Variants in PABPC1L observed in about 807,000 individuals in gnomAD.
The protein encoded by PABPC1L is polyadenylate-binding protein 1-like.
Under a neutral mutation model 66.6 loss-of-function variants are expected in PABPC1L, and 31 were observed. The ratio of observed to expected loss-of-function variants is 0.47; its 90% CI spans 0.35 to 0.63. The LOEUF (loss-of-function observed/expected upper bound fraction) is 0.63. Among genes scored for constraint, PABPC1L ranks in the 20% least tolerant of loss-of-function variants. The pLI is 0.00. For synonymous variants in PABPC1L, 348 were observed against 335.1 expected (o/e 1.04, Z -0.42); for missense variants, 722 against 848.8 (o/e 0.85, Z 1.86).
intron 10 of PABPC1L, among the ~76,000 whole-genome samples, chr20:44,934,693 A>G (rs2145582187): frequency 6.6e-6 from 1 of 152,348 alleles, no homozygotes; most frequent in Non-Finnish European, 1.5e-5. Flanking sequence ...CATTGTATGT[A>G]TAGACCTCAT....
At position 44,938,612 on chromosome 20, in the gene PABPC1L, A is replaced by G; in HGVS notation, c.1792-62A>G. 3 of 1,544,184 alleles carry G rather than the reference A, an allele frequency of 1.9e-6. No individual in the cohort carries two copies. The South Asian group carries it at 3.6e-5, about 18-fold the overall frequency. On this transcript the variant is annotated intron_variant, in intron 13 of 14. Coordinates refer to ENST00000217073, the MANE Select transcript of PABPC1L (RefSeq NM_001372179.1). ...AGGATGGTGAGCGAGGGGGAGATCAAGGCTCTTCTGTGACCTGCTAAGATA... is the reference window on the plus strand; with the variant it reads ...AGGATGGTGAGCGAGGGGGAGATCAGGGCTCTTCTGTGACCTGCTAAGATA...
In PABPC1L at chr20:44,932,415, A is replaced by C; in HGVS notation, c.1313A>C (p.Gln438Pro). The change falls in exon 9 of 15, where the codon CAG (glutamine) becomes CCG (proline). Residue 438 changes from glutamine (Q) to proline (P), a missense_variant. Gln to Pro is a moderately conservative substitution (Grantham distance 76, BLOSUM62 -1). Transcript: ENST00000217073. ...CAGCCTGCCCCCAGGTGGACATCCC[A>C]GCCACCTAGACCTTCCTGTGAGTGA... ...PTQPAPRWTS[Q>P]PPRPSSAYPP... 6.2e-7 allele frequency: 1 copy of C among 1,613,532 alleles called. No homozygotes were observed. The highest frequency in any genetic ancestry group is 1.1e-5 in the South Asian group (1 of 90,984).
At chr20:44,938,806 A>G in intron 14 of PABPC1L, 58 bp downstream of exon 14, 1 of 1,506,818 alleles carries the variant, frequency 6.6e-7, no homozygotes. Flanking sequence ...GGAAATAGGC[A>G]GGGACTGACT....
intron 2 of PABPC1L, among the ~76,000 whole-genome samples, 188 bp from the exon 3 acceptor site, chr20:44,916,568 C>T (rs532117604): frequency 2.3e-4 from 35 of 152,368 alleles, no homozygotes; most frequent in Admixed American, 3.3e-4. Context: ...GCCACTGCAC[C>T]CAGCCTTCCT....
At chr20:44,928,864 C>CAAAAAAAAAAAAAAAAAAAAAAAAAAAA (rs10597679) in intron 7 of PABPC1L, among the ~76,000 whole-genome samples, 2 of 54,360 alleles carry the variant, frequency 3.7e-5, no homozygotes, top group African/African-American at 8.5e-5. Context: ...GATCCTGACT[C>CAAAAAAAAAAAAAAAAAAAAAAAAAAAA]AAAAAAAAAA....
chr20:44,936,081 T>G (rs535397888), intron 11 of PABPC1L, among the ~76,000 whole-genome samples: 4 of 152,140 alleles, frequency 2.6e-5, no homozygotes, highest in Non-Finnish European at 4.4e-5. Flanking sequence ...CAAGTGATCC[T>G]CCCACCTCAG....
chr20:44,913,537 C>T (rs2066718509), intron 2 of PABPC1L, among the ~76,000 whole-genome samples: 1 of 152,094 alleles, frequency 6.6e-6, no homozygotes, highest in Non-Finnish European at 1.5e-5. Flanking sequence ...TCTCCTGCCT[C>T]AGCCTCCCGA....
intron 7 of PABPC1L, among the ~76,000 whole-genome samples, chr20:44,924,689 A>G (rs915289069): frequency 6.2e-4 from 94 of 152,298 alleles, no homozygotes; most frequent in Admixed American, 4.5e-3. Flanking sequence ...TGGAGCACCA[A>G]TTGTGTGCCC....
intron 2 of PABPC1L, among the ~76,000 whole-genome samples, chr20:44,914,204 C>CCTT (rs2066723341): frequency 8.7e-6 from 1 of 114,370 alleles, no homozygotes; most frequent in Non-Finnish European, 1.7e-5. Flanking sequence ...TGTGTCAGAA[C>CCTT]TTTTTTTTTT....
At chr20:44,923,971 G>C in intron 6 of PABPC1L, among the ~76,000 whole-genome samples, 190 bp from the exon 7 acceptor site, 1 of 152,164 alleles carries the variant, frequency 6.6e-6, no homozygotes. Flanking sequence ...TGGGATGTGG[G>C]GGCTACAGCT....
At chr20:44,925,340 T>G (rs1472545877) in intron 7 of PABPC1L, among the ~76,000 whole-genome samples, 1 of 152,178 alleles carries the variant, frequency 6.6e-6, no homozygotes, top group Admixed American at 6.5e-5. Context: ...GATGTGATCC[T>G]TGCTTTCAAG....
chr20:44,932,502 C>A, intron 9 of PABPC1L, 70 bp downstream of exon 9: 2 of 1,400,768 alleles, frequency 1.4e-6, no homozygotes, highest in Non-Finnish European at 2.0e-6. Context: ...AGTCATAACA[C>A]AGGGATGAAA....
rs188013119 is a variant in PABPC1L at position 44,925,817 on chromosome 20, A to G, written c.972+1561A>G. Among the ~76,000 whole-genome samples the G allele has an allele frequency of 2.9e-3, 439 of 152,370 alleles. 2 individuals carry two copies. The highest frequency in any genetic ancestry group is 0.01 in the African/African-American group (424 of 41,590). ...ATAGGTCCTCTTTCCAAGCAAATGC[A>G]TATACATTTGATGTAGAAACATGGT... On this transcript the variant is annotated intron_variant, in intron 7 of 14. Coordinates refer to ENST00000217073, the MANE Select transcript of PABPC1L (RefSeq NM_001372179.1).
intron 3 of PABPC1L, among the ~76,000 whole-genome samples, chr20:44,918,132 C>G (rs1020264121): frequency 2.0e-5 from 3 of 152,094 alleles, no homozygotes; most frequent in Non-Finnish European, 2.9e-5. Context: ...TTGAGACTAG[C>G]CTGGCCAACA....
chr20:44,914,677 G>T (rs181127572), intron 2 of PABPC1L, among the ~76,000 whole-genome samples: 215 of 152,298 alleles, frequency 1.4e-3, no homozygotes, highest in African/African-American at 4.9e-3. Context: ...GAGAGACGGG[G>T]CTGTTTCCTG....
In PABPC1L at chr20:44,911,410, G is replaced by A. The variant is rs2145551123; in HGVS notation, c.193+1074G>A. 1.3e-5 allele frequency among the ~76,000 whole-genome samples: 2 copies of A among 152,320 alleles called. 1 individual carries two copies. The highest frequency in any genetic ancestry group is 2.9e-5 in the Non-Finnish European group (2 of 68,024). On this transcript the variant is annotated intron_variant, in intron 1 of 14. Transcript: ENST00000217073. ...ATCCGGGAGGCAGAGGTTGCAGTGA[G>A]CCGAGACTGCGCCATTGCACTCCAG...
rs570169480 is a variant in PABPC1L, at chr20:44,937,782, T to G, written c.1661-279T>G. ...CTTTGTTAGTAGTTCTCTGTAAACA[T>G]TTTCACTTTCTTCATGGGACGATCC... is the stretch of plus-strand genomic sequence containing the variant. On this transcript the variant is annotated intron_variant, in intron 12 of 14. Coordinates refer to ENST00000217073, the MANE Select transcript of PABPC1L (RefSeq NM_001372179.1). 8.8e-4 allele frequency: 347 copies of G among 395,258 alleles called. 6 individuals carry two copies. In the South Asian group the frequency reaches 0.012, roughly 14 times the overall value. 24.5% of individuals were successfully genotyped at this position (395,258 alleles called of 1,614,324 possible).
chr20:44,921,465 TG>T, intron 5 of PABPC1L, 128 bp from the exon 6 acceptor site: 1 of 1,347,786 alleles, frequency 7.4e-7, no homozygotes, highest in Non-Finnish European at 1.0e-6. Context: ...GCCTTTGTCC[TG>T]GTACTGATTA....
At chr20:44,911,984 C>T (rs1482788307) in intron 1 of PABPC1L, among the ~76,000 whole-genome samples, 1 of 152,208 alleles carries the variant, frequency 6.6e-6, no homozygotes, top group African/African-American at 2.4e-5. Context: ...TGGGCATCGG[C>T]TGCTGTTTTG....
Sources: gnomAD v4.1 joint callset for allele counts (sites outside exome capture counted in the v4.1 genomes callset) on GRCh38, gnomAD v4.1.1 for gene constraint, MANE v1.5 for transcripts, NCBI Gene and HGNC (gene_info 2026-07-23, HGNC 2026-07-21) for gene names.